ABHD2: variants seen among roughly 807,000 people sequenced by gnomAD.
The protein encoded by ABHD2 is abhydrolase domain containing 2, acylglycerol lipase.
In ABHD2, 20 loss-of-function variants were observed where a neutral mutation model predicts 48.1. That is an observed-to-expected ratio of 0.42 (90% CI 0.29 to 0.60). ABHD2 has a LOEUF of 0.60. Ranked by LOEUF, ABHD2 falls within the 20% of genes least tolerant of loss-of-function variation. The pLI, the probability that ABHD2 is intolerant of heterozygous loss-of-function variation, is 0.24. For missense variants in ABHD2, 405 were observed against 550.9 expected (o/e 0.74, Z 2.65); for synonymous variants, 209 against 214.2 (o/e 0.98, Z 0.21).
chr15:89,196,830 C>T lies in ABHD2; in HGVS notation c.*1407C>T, dbSNP rs890930079. The T allele has an allele frequency of 3.3e-5, 5 of 152,672 alleles. No individual in the cohort carries two copies. The South Asian group carries it at 8.3e-4, about 25-fold the overall frequency. The allele number at this position is 152,672 out of a possible 1,614,324, so 9.5% of individuals were successfully genotyped here. On this transcript the variant is annotated 3_prime_UTR_variant, in exon 11 of 11. Coordinates refer to ENST00000352732, the MANE Select transcript of ABHD2 (RefSeq NM_152924.5). Reference sequence around the variant, plus strand: ...CAAAGTGTGTCTTCTCAAGTGAAAACGCAACTCTAGGTTTCAAGTACTCCT... The same window carrying T: ...CAAAGTGTGTCTTCTCAAGTGAAAATGCAACTCTAGGTTTCAAGTACTCCT...
chr15:89,193,483 G>A (rs1343056585), intron 10 of ABHD2, 164 bp downstream of exon 10: 4 of 639,092 alleles, frequency 6.3e-6, no homozygotes, highest in Admixed American at 2.6e-5. Context: ...TCCTCGGGCT[G>A]TGATGGGGCT....
rs1459151781 is a variant in ABHD2, at chr15:89,175,094, A to G, written c.539-718A>G. Among the ~76,000 whole-genome samples, 1 of 152,182 alleles carries G rather than the reference A, an allele frequency of 6.6e-6. No homozygotes were observed. Among genetic ancestry groups the G allele is most frequent in the Admixed American group, 6.5e-5 (1 of 15,276 alleles). On this transcript the variant is annotated intron_variant, in intron 5 of 10. Coordinates refer to ENST00000352732, the MANE Select transcript of ABHD2 (RefSeq NM_152924.5). This position sits in a 1 kb window ranked among gnomAD's most constrained non-coding sequence, Gnocchi z 5.7. ...TCTCCTTTCCAACTCTGTCAAGAAG[A>G]TTCTGTAAATAACATCCACTTGCTA...
At chr15:89,042,261 G>C in the ABHD2 span, among the ~76,000 whole-genome samples, 1 of 152,150 alleles carries the variant, frequency 6.6e-6, no homozygotes, top group South Asian at 2.1e-4. Flanking sequence ...AGCCTGCTTA[G>C]GACCACTCAG....
At chr15:89,183,384 A>AAAAAAAAATATATATAT (rs61602174) in intron 6 of ABHD2, 1 of 46,274 alleles carries the variant, frequency 2.2e-5, no homozygotes, top group Non-Finnish European at 4.2e-5. Flanking sequence ...AAAAAAAAAA[A>AAAAAAAAATATATATAT]ATATATATAT....
In ABHD2 at chr15:89,161,876, C is replaced by A. The variant is rs75287005; in HGVS notation, c.538+6342C>A. On this transcript the variant is annotated intron_variant, in intron 5 of 10. Transcript: ENST00000352732. Reference sequence around the variant, plus strand: ...ATACAAGAGCAATTTATTTTCTCACCGTTCTGGGGCCTAGAAGTCCCAGAT... The same window carrying A: ...ATACAAGAGCAATTTATTTTCTCACAGTTCTGGGGCCTAGAAGTCCCAGAT... 3.1e-3 allele frequency among the ~76,000 whole-genome samples: 472 copies of A among 152,284 alleles called. 2 individuals carry two copies. Among genetic ancestry groups the A allele is most frequent in the African/African-American group, 0.011 (447 of 41,542 alleles).
In ABHD2 at chr15:89,177,185, G is replaced by A. The variant is rs1177999250; in HGVS notation, c.722+1190G>A. ...CTATTTTTCCGTGCCGGCAATATGGGGATGATGATGATAAGCAGTACCTAC... is the reference window on the plus strand; with the variant it reads ...CTATTTTTCCGTGCCGGCAATATGGAGATGATGATGATAAGCAGTACCTAC... On this transcript the variant is annotated intron_variant, in intron 6 of 10. Coordinates refer to ENST00000352732, the MANE Select transcript of ABHD2 (RefSeq NM_152924.5). This position sits in a 1 kb window ranked among gnomAD's most constrained non-coding sequence, Gnocchi z 5.6. 6.6e-6 allele frequency among the ~76,000 whole-genome samples: 1 copy of A among 152,124 alleles called. No homozygotes were observed. Among genetic ancestry groups the A allele is most frequent in the African/African-American group, 2.4e-5 (1 of 41,420 alleles).
In ABHD2 at chr15:89,155,370, A is replaced by T. The variant is rs1488349594; in HGVS notation, c.374A>T (p.Asp125Val). The T allele has an allele frequency of 8.1e-6, 13 of 1,613,770 alleles. No individual in the cohort carries two copies. Among genetic ancestry groups the T allele is most frequent in the East Asian group, 2.2e-5 (1 of 44,874 alleles). The change falls in exon 5 of 11, where the codon GAT becomes GTT. Residue 125 changes from aspartate (D) to valine (V), a missense_variant. Asp to Val is a radical substitution (Grantham distance 152). Transcript: ENST00000352732. This position sits in a 1 kb window ranked among gnomAD's most constrained non-coding sequence, Gnocchi z 4.9. ...GATCTCTTTCTCTACGCTATAGATG[A>T]TATCACCATGGTCATCTGCCCTGGA... ...EPLAEHCVGD[D>V]ITMVICPGIA... is the part of the protein sequence containing the mutation.
Position 89,100,048 on chromosome 15 carries a change from G to A in ABHD2, c.-107+11485G>A, listed in dbSNP as rs2049677671. On this transcript the variant is annotated intron_variant, in intron 1 of 10. Coordinates refer to ENST00000352732, the MANE Select transcript of ABHD2 (RefSeq NM_152924.5). The surrounding 1 kb of genome is among the most constrained non-coding windows in gnomAD (Gnocchi z 4.4). ...TAATATTTTGTCTGGGCAGCCGGTA[G>A]AGGAGCTTATGGTCTGGAATGGGAG... 6.6e-6 allele frequency among the ~76,000 whole-genome samples: 1 copy of A among 152,184 alleles called. No homozygotes were observed. The highest frequency in any genetic ancestry group is 1.5e-5 in the Non-Finnish European group (1 of 68,034).
At position 89,185,604 on chromosome 15, in the gene ABHD2, TTCAGGGG is replaced by T; in HGVS notation, c.815+89_815+95del. 8.4e-7 allele frequency: 1 copy of T among 1,187,610 alleles called. No homozygotes were observed. The allele number at this position is 1,187,610 out of a possible 1,614,324, so 73.6% of individuals were successfully genotyped here. On this transcript the variant is annotated intron_variant, in intron 7 of 10. Transcript: ENST00000352732. The surrounding 1 kb of genome is among the most constrained non-coding windows in gnomAD (Gnocchi z 5.9). ...CGTGAAAAGCCAGGACTCCTGTTCC[TTCAGGGG>T]AAAAAAAAAAATGCAGGTGTGGTAC...
intron 3 of ABHD2, among the ~76,000 whole-genome samples, chr15:89,145,095 A>G (rs919986696): frequency 6.6e-6 from 1 of 152,170 alleles, no homozygotes; most frequent in Non-Finnish European, 1.5e-5. Flanking sequence ...CATCTCTACT[A>G]AAAATATGAA....
In ABHD2 at chr15:89,179,012, C is replaced by T. The variant is rs1032057197; in HGVS notation, c.722+3017C>T. Among the ~76,000 whole-genome samples, 3 of 152,246 alleles carry T rather than the reference C, an allele frequency of 2.0e-5. No individual in the cohort carries two copies. The highest frequency in any genetic ancestry group is 2.4e-5 in the African/African-American group (1 of 41,458). ...TTTGGGTGTAAAAGATAGTCTGTAT[C>T]TGAGGACCTCACAGCACTTAAGACA... On this transcript the variant is annotated intron_variant, in intron 6 of 10. Coordinates refer to ENST00000352732, the MANE Select transcript of ABHD2 (RefSeq NM_152924.5). The surrounding 1 kb of genome is among the most constrained non-coding windows in gnomAD (Gnocchi z 4.3).
chr15:89,056,303 G>A, the ABHD2 span, among the ~76,000 whole-genome samples: 67 of 152,142 alleles, frequency 4.4e-4, no homozygotes, highest in Non-Finnish European at 8.5e-4. Context: ...GATGGCATTG[G>A]AGATATTTGC....
chr15:89,114,159 C>T lies in ABHD2; in HGVS notation c.-7+335C>T, dbSNP rs539806885. On this transcript the variant is annotated intron_variant, in intron 2 of 10. Coordinates refer to ENST00000352732, the MANE Select transcript of ABHD2 (RefSeq NM_152924.5). This position sits in a 1 kb window ranked among gnomAD's most constrained non-coding sequence, Gnocchi z 4.2. The stretch of plus-strand genomic sequence containing the variant: ...ATTTGTTTAGCCTTTGTTTGGCATC[C>T]GTGGCAGGGTTTGGACAAGGTGAGG... 2.6e-5 allele frequency among the ~76,000 whole-genome samples: 4 copies of T among 152,266 alleles called. No homozygotes were observed. The highest frequency in any genetic ancestry group is 1.9e-4 in the East Asian group (1 of 5,182).
At chr15:89,058,964 CCAGCTGATGGGAAAG>C in the ABHD2 span, among the ~76,000 whole-genome samples, 1 of 152,158 alleles carries the variant, frequency 6.6e-6, no homozygotes, top group South Asian at 2.1e-4. Context: ...TGCCTAGTCA[CCAGCTGATGGGAAAG>C]CAGCTCCAGC....
the ABHD2 span, among the ~76,000 whole-genome samples, chr15:89,076,546 C>T: frequency 3.9e-5 from 6 of 152,058 alleles, no homozygotes; most frequent in South Asian, 2.1e-4. Context: ...TGCAGTGGTG[C>T]GATCATGACC....
chr15:89,150,255 T>G (rs2050569676), intron 3 of ABHD2, among the ~76,000 whole-genome samples: 1 of 152,232 alleles, frequency 6.6e-6, no homozygotes, highest in Non-Finnish European at 1.5e-5. Context: ...AAGCTTAATT[T>G]CTTGGATAGT....
At chr15:89,130,394 C>T (rs1337719642) in intron 3 of ABHD2, among the ~76,000 whole-genome samples, 2 of 152,212 alleles carry the variant, frequency 1.3e-5, no homozygotes, top group Non-Finnish European at 2.9e-5. Flanking sequence ...CACACTGGCT[C>T]TTACAGGCTG....
At chr15:89,194,239 T>C (rs2150956681) in intron 10 of ABHD2, among the ~76,000 whole-genome samples, 1 of 152,238 alleles carries the variant, frequency 6.6e-6, no homozygotes, top group Admixed American at 6.5e-5. Flanking sequence ...GGCTCATGCC[T>C]ATAAATCCCA....
the ABHD2 span, among the ~76,000 whole-genome samples, chr15:89,070,866 G>A: frequency 6.6e-6 from 1 of 152,100 alleles, no homozygotes; most frequent in Non-Finnish European, 1.5e-5. Context: ...CCTGCCCCTG[G>A]AGGAAGGGGG....
Sources: allele counts gnomAD v4.1 joint callset (sites outside exome capture counted in the v4.1 genomes callset), GRCh38; gene constraint gnomAD v4.1.1; non-coding constraint Gnocchi (gnomAD v3.1); transcripts MANE v1.5; gene names NCBI Gene and HGNC (gene_info 2026-07-23, HGNC 2026-07-21).